Variants in USP2 observed in about 807,000 individuals in gnomAD.
The protein encoded by USP2 is ubiquitin specific peptidase 2.
Under a neutral mutation model 72.0 loss-of-function variants are expected in USP2, and 33 were observed. That is an observed-to-expected ratio of 0.46 (90% CI 0.35 to 0.61). The LOEUF (loss-of-function observed/expected upper bound fraction) is 0.61. Among genes scored for constraint, USP2 ranks in the 20% least tolerant of loss-of-function variants. The pLI, the probability that USP2 is intolerant of heterozygous loss-of-function variation, is 0.01. For synonymous variants in USP2, 296 were observed against 312.5 expected (o/e 0.95, Z 0.56); for missense variants, 691 against 797.8 (o/e 0.87, Z 1.61).
intron 2 of USP2, 78 bp from the exon 3 acceptor site, chr11:119,360,312 A>G (rs753352311): frequency 3.4e-6 from 5 of 1,475,218 alleles, no homozygotes; most frequent in Non-Finnish European, 4.7e-6. Context: ...TGCAATTTCT[A>G]ACCAGCTGGA....
At chr11:119,368,158 C>CAGCT (rs1950880130) in intron 2 of USP2, among the ~76,000 whole-genome samples, 1 of 152,210 alleles carries the variant, frequency 6.6e-6, no homozygotes, top group African/African-American at 2.4e-5. Flanking sequence ...GCAGCTAGTA[C>CAGCT]AGCTCCTGGC....
At position 119,356,849 on chromosome 11, in the gene USP2, G is replaced by A; in HGVS notation, c.1804C>T (p.Pro602Ser). ...YLLFYELASPPSRM is the reference protein window; with the variant it reads ...YLLFYELASPSSRM ...GGCTCCTGGCGCTACATTCGGGAGG[G>A]CGGGCTGGCCAGTTCGTAGAAGAGC... The change falls in exon 13 of 13, where the codon CCC becomes TCC. Residue 602 changes from proline to serine, a missense_variant. Physicochemically the swap from Pro to Ser is moderately conservative, Grantham distance 74 (BLOSUM62 -1). Transcript: ENST00000260187. 1 of 1,564,772 alleles carries A rather than the reference G, an allele frequency of 6.4e-7. No individual in the cohort carries two copies. The highest frequency in any genetic ancestry group is 8.7e-7 in the Non-Finnish European group (1 of 1,154,850).
rs1950790752 is a variant in USP2 at position 119,363,191 on chromosome 11, A to ACCAG, written c.775-2958_775-2957insCTGG. On this transcript the variant is annotated intron_variant, in intron 2 of 12. Coordinates refer to ENST00000260187, the MANE Select transcript of USP2 (RefSeq NM_004205.5). Reference sequence around the variant, plus strand: ...CGGGAGCTGGTGCCTGTTACATAAGACCTGTCAAAGCTCGGGCCCCTTCTC... The same window carrying ACCAG: ...CGGGAGCTGGTGCCTGTTACATAAGACCAGCCTGTCAAAGCTCGGGCCCCTTCTC... Among the ~76,000 whole-genome samples the ACCAG allele has an allele frequency of 3.9e-5, 6 of 152,212 alleles. No individual in the cohort carries two copies. In the South Asian group the frequency reaches 1.2e-3, roughly 32 times the overall value.
At chr11:119,367,506 T>C (rs1443143904) in intron 2 of USP2, among the ~76,000 whole-genome samples, 1 of 152,132 alleles carries the variant, frequency 6.6e-6, no homozygotes, top group East Asian at 1.9e-4. Flanking sequence ...ACCGGTGGCC[T>C]GATTGATTGA....
At chr11:119,362,554 T>C (rs932509075) in intron 2 of USP2, among the ~76,000 whole-genome samples, 1 of 152,154 alleles carries the variant, frequency 6.6e-6, no homozygotes, top group Non-Finnish European at 1.5e-5. Flanking sequence ...GGCTGCTCCA[T>C]GCCCAGCCAG....
At chr11:119,358,099 TGAAAG>T (rs763385480) in intron 8 of USP2, 38 bp from the exon 9 acceptor site, 10 of 1,614,048 alleles carry the variant, frequency 6.2e-6, no homozygotes, top group Non-Finnish European at 8.5e-6. Flanking sequence ...GAGGTCAACA[TGAAAG>T]GACAGGAGAG....
At position 119,373,379 on chromosome 11, in the gene USP2, G is replaced by A. The variant is rs748269607; in HGVS notation, c.102C>T (p.Ser34=). 5.6e-6 allele frequency: 9 copies of A among 1,611,208 alleles called. No homozygotes were observed. Among genetic ancestry groups the A allele is most frequent in the Non-Finnish European group, 7.6e-6 (9 of 1,179,992 alleles). The change falls in exon 2 of 13, where the codon TCC becomes TCT. Residue 34 remains serine (S), a synonymous_variant. Coordinates refer to ENST00000260187, the MANE Select transcript of USP2 (RefSeq NM_004205.5). ...KSGYGAYTPS[S]YGANLAASLL... is the part of the protein sequence containing the mutation. ...AGGAGGCAGCCAGATTGGCCCCATA[G>A]GAGGACGGGGTGTAGGCACCATAGC...
intron 2 of USP2, among the ~76,000 whole-genome samples, chr11:119,368,643 T>C (rs564829311): frequency 1.6e-4 from 25 of 152,214 alleles, no homozygotes; most frequent in Non-Finnish European, 3.4e-4. Context: ...GACCTTTTGC[T>C]CCTAGAAACA....
chr11:119,380,929 T>A (rs1951051885), intron 1 of USP2: 1 of 155,718 alleles, frequency 6.4e-6, no homozygotes, highest in South Asian at 2.0e-4. Flanking sequence ...CTAGAATGGG[T>A]TGGCTAGGGC....
chr11:119,357,815 G>T lies in USP2; in HGVS notation c.1443C>A (p.Gly481=). The change falls in exon 10 of 13, where the codon GGC becomes GGA. Residue 481 remains glycine (G), a synonymous_variant. Transcript: ENST00000260187. ...AGAACTTCTTTATACACCGTTTTCT[G>T]CCTCGGCAGCGACAGCATGTCTGAG... is the stretch of plus-strand genomic sequence containing the variant. ...DEKPTCCRCR[G]RKRCIKKFSI... is the part of the protein sequence containing the mutation. The T allele has an allele frequency of 6.2e-7, 1 of 1,613,878 alleles. No homozygotes were observed. Among genetic ancestry groups the T allele is most frequent in the Admixed American group, 1.7e-5 (1 of 59,986 alleles).
At chr11:119,359,869 A>G (rs1478884598) in intron 3 of USP2, among the ~76,000 whole-genome samples, 1 of 152,196 alleles carries the variant, frequency 6.6e-6, no homozygotes, top group East Asian at 1.9e-4. Context: ...TTGGTTATTT[A>G]CTATAGAGGT....
At chr11:119,373,587 C>T in intron 1 of USP2, 66 bp from the exon 2 acceptor site, 1 of 1,396,734 alleles carries the variant, frequency 7.2e-7, no homozygotes, top group South Asian at 1.5e-5. Context: ...AGACCTGCTC[C>T]CCATCCTCAG....
intron 2 of USP2, among the ~76,000 whole-genome samples, chr11:119,371,318 C>G (rs1470136259): frequency 3.3e-5 from 5 of 152,128 alleles, no homozygotes; most frequent in African/African-American, 7.2e-5. Context: ...TTGAACAGCA[C>G]CAGCCGAGTC....
At chr11:119,374,491 TA>T (rs1950975177) in intron 1 of USP2, among the ~76,000 whole-genome samples, 1 of 152,162 alleles carries the variant, frequency 6.6e-6, no homozygotes, top group African/African-American at 2.4e-5. Context: ...ATCTATCTGT[TA>T]TACAGATGGG....
At chr11:119,358,351 C>G in intron 7 of USP2, 99 bp from the exon 8 acceptor site, 1 of 1,153,838 alleles carries the variant, frequency 8.7e-7, no homozygotes, top group Non-Finnish European at 1.2e-6. Flanking sequence ...GAGTTTTGCT[C>G]TGTCCCCCAG....
At chr11:119,372,560 G>T in intron 2 of USP2, 147 bp downstream of exon 2, 1 of 857,586 alleles carries the variant, frequency 1.2e-6, no homozygotes, top group Non-Finnish European at 1.7e-6. Context: ...AGGGGCACCA[G>T]ATGTGCCAGG....
At position 119,362,151 on chromosome 11, in the gene USP2, C is replaced by T. The variant is rs201336403; in HGVS notation, c.775-1917G>A. On this transcript the variant is annotated intron_variant, in intron 2 of 12. Coordinates refer to ENST00000260187, the MANE Select transcript of USP2 (RefSeq NM_004205.5). ...TACCACTGGTGACCGTGTCAATGTTCACCAAAGCAGGCCCTCAGCTGAGAC... is the reference window on the plus strand; with the variant it reads ...TACCACTGGTGACCGTGTCAATGTTTACCAAAGCAGGCCCTCAGCTGAGAC... 5.9e-5 allele frequency among the ~76,000 whole-genome samples: 9 copies of T among 152,298 alleles called. No individual in the cohort carries two copies. In the East Asian group the frequency reaches 1.7e-3, roughly 29 times the overall value.
chr11:119,380,300 G>A (rs1228151487), intron 1 of USP2, among the ~76,000 whole-genome samples: 1 of 151,766 alleles, frequency 6.6e-6, no homozygotes, highest in East Asian at 1.9e-4. Context: ...GGCAAACAAG[G>A]CTTGCCATCT....
At chr11:119,378,956 C>T (rs1951031888) in intron 1 of USP2, 1 of 984,406 alleles carries the variant, frequency 1.0e-6, no homozygotes, top group African/African-American at 1.7e-5. Flanking sequence ...GATGTCTTTC[C>T]TCTAGGTAGA....
Sources: allele counts gnomAD v4.1 joint callset (sites outside exome capture counted in the v4.1 genomes callset), GRCh38; gene constraint gnomAD v4.1.1; transcripts MANE v1.5; gene names NCBI Gene and HGNC (gene_info 2026-07-23, HGNC 2026-07-21).